FMN1: variants seen among roughly 807,000 people sequenced by gnomAD.
FMN1 encodes the protein formin 1.
Under a neutral mutation model 132.4 loss-of-function variants are expected in FMN1, and 110 were observed. The ratio of observed to expected loss-of-function variants is 0.83; its 90% confidence interval spans 0.71 to 0.97. FMN1 has a LOEUF of 0.97. FMN1 is among the 50% of genes least tolerant of loss of function. The pLI is 0.00. For missense variants in FMN1, 1,792 were observed against 1,705.3 expected (o/e 1.05, Z -0.90); for synonymous variants, 722 against 651.7 (o/e 1.11, Z -1.64).
Position 33,012,460 on chromosome 15 carries a change from A to G in FMN1, c.2162-4385T>C, listed in dbSNP as rs555117498. 187 of 1,078,544 alleles carry G rather than the reference A, an allele frequency of 1.7e-4. No homozygotes were observed. In the African/African-American group the frequency reaches 2.6e-3, roughly 15 times the overall value. 66.8% of individuals were successfully genotyped at this position (1,078,544 alleles called of 1,614,324 possible). On this transcript the variant is annotated intron_variant, in intron 6 of 20. Coordinates refer to ENST00000616417, the MANE Select transcript of FMN1 (RefSeq NM_001277313.2). ...ATTTGTTGCTGGCATTAAAGAAGAC[A>G]CAGAAGAACATCACCTAAGAGATTA...
chr15:33,154,440 G>A lies in FMN1; in HGVS notation c.475C>T (p.Pro159Ser). The change falls in exon 4 of 21, where the codon CCT becomes TCT. Residue 159 changes from proline to serine, a missense_variant. Pro to Ser is a moderately conservative substitution (Grantham distance 74, BLOSUM62 -1). Transcript: ENST00000616417. ...TCTCTCCTTCCACTAGACCTCCGAG[G>A]CTTTTTGTTCCCGTGGGTGCTCCTC... ...NKRSTHGNKK[P>S]RRSSGRRESF... The A allele has an allele frequency of 6.5e-7, 1 of 1,536,098 alleles. No homozygotes were observed. Among genetic ancestry groups the A allele is most frequent in the South Asian group, 1.2e-5 (1 of 84,058 alleles).
At chr15:32,929,847 T>C (rs993446076) in intron 9 of FMN1, among the ~76,000 whole-genome samples, 1 of 151,968 alleles carries the variant, frequency 6.6e-6, no homozygotes, top group African/African-American at 2.4e-5. Flanking sequence ...TCAATGGACA[T>C]TTAGGTTGTC....
At chr15:33,124,655 TC>T (rs1487616326) in intron 4 of FMN1, among the ~76,000 whole-genome samples, 2 of 152,176 alleles carry the variant, frequency 1.3e-5, no homozygotes, top group African/African-American at 4.8e-5. Flanking sequence ...TGTGTTCTTT[TC>T]AATAAAAATA....
At chr15:33,116,777 A>G (rs1202355988) in intron 4 of FMN1, among the ~76,000 whole-genome samples, 2 of 152,068 alleles carry the variant, frequency 1.3e-5, no homozygotes, top group Admixed American at 1.3e-4. Context: ...CATGAGAAAT[A>G]GTCGACAAAG....
chr15:32,894,505 G>C (rs953819089), intron 15 of FMN1, among the ~76,000 whole-genome samples: 1 of 150,576 alleles, frequency 6.6e-6, no homozygotes, highest in Non-Finnish European at 1.5e-5. Flanking sequence ...AAAAAAAAGA[G>C]AGACAACAAT....
chr15:32,866,286 C>A (rs1301254329), intron 16 of FMN1, among the ~76,000 whole-genome samples: 1 of 150,492 alleles, frequency 6.6e-6, no homozygotes, highest in African/African-American at 2.4e-5. Context: ...TTTAAAGATG[C>A]ATTTATTCTT....
At chr15:33,160,986 A>G (rs576909954) in intron 3 of FMN1, among the ~76,000 whole-genome samples, 12 of 152,342 alleles carry the variant, frequency 7.9e-5, no homozygotes, top group Non-Finnish European at 1.2e-4. Context: ...TGTTCATAGC[A>G]TATTTCACCA....
At chr15:33,033,968 TCTC>T (rs1014977982) in intron 6 of FMN1, among the ~76,000 whole-genome samples, 8 of 152,000 alleles carry the variant, frequency 5.3e-5, no homozygotes, top group African/African-American at 9.7e-5. Flanking sequence ...CTTTCTCATT[TCTC>T]CTCTTCATCT....
intron 2 of FMN1, among the ~76,000 whole-genome samples, chr15:33,183,324 A>T (rs1325003628): frequency 6.6e-6 from 1 of 152,208 alleles, no homozygotes; most frequent in Non-Finnish European, 1.5e-5. Flanking sequence ...AGTGGCACAT[A>T]AATGCTCATT....
Position 33,154,335 on chromosome 15 carries a change from C to A in FMN1, c.580G>T (p.Asp194Tyr). The A allele has an allele frequency of 6.5e-7, 1 of 1,536,170 alleles. No individual in the cohort carries two copies. Among genetic ancestry groups the A allele is most frequent in the South Asian group, 1.2e-5 (1 of 84,054 alleles). Reference protein sequence around the residue: ...GRESAPLMGKDKICSSHSLPL... With the variant: ...GRESAPLMGKYKICSSHSLPL... ...AGGGAGTGGCTGGAACAGATCTTGT[C>A]CTTGCCCATCAGAGGAGCTGATTCT... The change falls in exon 4 of 21, where the codon GAC (aspartate) becomes TAC (tyrosine). Residue 194 changes from aspartate (D) to tyrosine (Y), a missense_variant. Asp to Tyr is a radical substitution (Grantham distance 160). Around this residue, in one of 3 missense-constraint regions of FMN1, gnomAD observed 638 missense variants for 645.2 expected, o/e 0.99. Coordinates refer to ENST00000616417, the MANE Select transcript of FMN1 (RefSeq NM_001277313.2).
intron 5 of FMN1, among the ~76,000 whole-genome samples, chr15:33,073,497 G>C (rs1339627823): frequency 6.6e-6 from 1 of 152,182 alleles, no homozygotes; most frequent in Non-Finnish European, 1.5e-5. Flanking sequence ...GATATGGGTA[G>C]GTTAATGGGT....
intron 4 of FMN1, among the ~76,000 whole-genome samples, chr15:33,096,543 G>A (rs1318790360): frequency 2.0e-5 from 3 of 151,934 alleles, no homozygotes. Context: ...TTAGTACTGA[G>A]AAGGAGTCCT....
rs565456944 is a variant in FMN1 at position 33,173,704 on chromosome 15, G to A, written c.-132+6494C>T. 1.2e-3 allele frequency among the ~76,000 whole-genome samples: 186 copies of A among 152,340 alleles called. 1 individual carries two copies. Among genetic ancestry groups the A allele is most frequent in the African/African-American group, 4.1e-3 (169 of 41,582 alleles). On this transcript the variant is annotated intron_variant, in intron 3 of 20. Coordinates refer to ENST00000616417, the MANE Select transcript of FMN1 (RefSeq NM_001277313.2). ...AGCACATTGGGAGGCCAAGGCGGGC[G>A]GATCACCTGAGGTCAGGAGTTCCAG...
At chr15:32,829,853 A>G (rs929597984) in intron 17 of FMN1, among the ~76,000 whole-genome samples, 3 of 152,190 alleles carry the variant, frequency 2.0e-5, no homozygotes, top group Non-Finnish European at 4.4e-5. Flanking sequence ...AGACCTCAGT[A>G]GTGGGAAGGG....
intron 16 of FMN1, among the ~76,000 whole-genome samples, chr15:32,884,766 T>C (rs1227384278): frequency 1.3e-5 from 2 of 152,222 alleles, no homozygotes; most frequent in African/African-American, 4.8e-5. Context: ...TGTTAAGGGA[T>C]GTAGAACAAT....
intron 2 of FMN1, among the ~76,000 whole-genome samples, chr15:33,185,931 A>G (rs2140352292): frequency 6.6e-6 from 1 of 152,270 alleles, no homozygotes; most frequent in South Asian, 2.1e-4. Context: ...TGAATTCTAT[A>G]AAAATGCAGG....
Position 32,811,227 on chromosome 15 carries a change from C to T in FMN1, c.3929-6895G>A, listed in dbSNP as rs554125196. 39 of 378,640 alleles carry T rather than the reference C, an allele frequency of 1.0e-4. 1 individual carries two copies. Among genetic ancestry groups the T allele is most frequent in the South Asian group, 7.4e-4 (37 of 49,868 alleles). 23.5% of individuals were successfully genotyped at this position (378,640 alleles called of 1,614,324 possible). A position where few individuals can be genotyped will look rare whatever the true frequency, so the allele number is the denominator to read the frequency against. On this transcript the variant is annotated intron_variant, in intron 17 of 20. Coordinates refer to ENST00000616417, the MANE Select transcript of FMN1 (RefSeq NM_001277313.2). Reference sequence around the variant, plus strand: ...TTGCCCATGGAGGACGATATCCTTGCTGGTCTTCCTAAGTTATTAGTTTTC... The same window carrying T: ...TTGCCCATGGAGGACGATATCCTTGTTGGTCTTCCTAAGTTATTAGTTTTC...
chr15:33,109,624 G>A (rs1005218296), intron 4 of FMN1, among the ~76,000 whole-genome samples: 1 of 152,014 alleles, frequency 6.6e-6, no homozygotes, highest in Admixed American at 6.6e-5. Flanking sequence ...TCACTTATAA[G>A]CAAGAGCTAC....
intron 15 of FMN1, among the ~76,000 whole-genome samples, chr15:32,891,125 G>A (rs1175909883): frequency 6.6e-6 from 1 of 152,212 alleles, no homozygotes; most frequent in Non-Finnish European, 1.5e-5. Context: ...GTACCACGTT[G>A]TTTTGGTGAC....
Sources: allele counts gnomAD v4.1 joint callset (sites outside exome capture counted in the v4.1 genomes callset), GRCh38; gene constraint gnomAD v4.1.1; regional missense constraint gnomAD v4.1.1; transcripts MANE v1.5; gene names NCBI Gene and HGNC (gene_info 2026-07-23, HGNC 2026-07-21).